EPHX1: variants seen among roughly 807,000 people sequenced by gnomAD.
EPHX1 encodes the protein epoxide hydrolase 1.
Under a neutral mutation model 43.2 loss-of-function variants are expected in EPHX1, and 40 were observed. That is an observed-to-expected ratio of 0.93 (90% CI 0.72 to 1.21). The LOEUF is 1.21. Ranked by LOEUF, EPHX1 falls within the 50% of genes most tolerant of loss-of-function variation. The pLI, the probability that EPHX1 is intolerant of heterozygous loss-of-function variation, is 0.00. For missense variants in EPHX1, 550 were observed against 570.4 expected, an observed-to-expected ratio of 0.96 and a Z score of 0.36; for synonymous variants, 221 against 226.7, an observed-to-expected ratio of 0.98 and a Z score of 0.22.
rs1246135645 is a variant in EPHX1, at chr1:225,845,516, C to T, written c.*169C>T. ...AAGCTCACTCCCCAACCCCCAACTCCGTGTGGTAAGCAACATGGCTTTGAT... is the reference window on the plus strand; with the variant it reads ...AAGCTCACTCCCCAACCCCCAACTCTGTGTGGTAAGCAACATGGCTTTGAT... On this transcript the variant is annotated 3_prime_UTR_variant, in exon 9 of 9. Transcript: ENST00000272167. 3.1e-5 allele frequency: 20 copies of T among 655,250 alleles called. No homozygotes were observed. The highest frequency in any genetic ancestry group is 5.7e-5 in the South Asian group (3 of 53,008). The allele number at this position is 655,250 out of a possible 1,614,324, so 40.6% of individuals were successfully genotyped here. A position where few individuals can be genotyped will look rare whatever the true frequency, so the allele number is the denominator to read the frequency against.
intron 6 of EPHX1, among the ~76,000 whole-genome samples, chr1:225,841,899 C>T (rs1016529770): frequency 1.3e-5 from 2 of 152,236 alleles, no homozygotes; most frequent in Non-Finnish European, 2.9e-5. Flanking sequence ...CCAATGCCCC[C>T]AGCCTGTTCC....
intron 4 of EPHX1, 113 bp downstream of exon 4, chr1:225,838,994 T>C: frequency 7.1e-7 from 1 of 1,412,280 alleles, no homozygotes; most frequent in Non-Finnish European, 9.8e-7. Flanking sequence ...CCGAGGAAGC[T>C]GGGAAAGGAG....
chr1:225,842,574 C>A, intron 7 of EPHX1, 100 bp downstream of exon 7: 1 of 878,926 alleles, frequency 1.1e-6, no homozygotes, highest in Non-Finnish European at 1.9e-6. Context: ...ATGGGGCACT[C>A]AGCAAATTCT....
At chr1:225,818,086 C>T (rs1666808199) in intron 1 of EPHX1, among the ~76,000 whole-genome samples, 1 of 152,038 alleles carries the variant, frequency 6.6e-6, no homozygotes, top group African/African-American at 2.4e-5. Flanking sequence ...CGTTATAGTG[C>T]CTCATGCCAC....
chr1:225,827,021 T>A (rs1379267899), intron 1 of EPHX1, among the ~76,000 whole-genome samples: 1 of 152,046 alleles, frequency 6.6e-6, no homozygotes, highest in Non-Finnish European at 1.5e-5. Context: ...TCGCCCTGGG[T>A]GGATTTCTGT....
In EPHX1 at chr1:225,828,997, G is replaced by A. The variant is rs891217927; in HGVS notation, c.183+85G>A. On this transcript the variant is annotated intron_variant, in intron 2 of 8. Transcript: ENST00000272167. The stretch of plus-strand genomic sequence containing the variant: ...GGGTTGGGTCTTAGGCCAGATGCGG[G>A]AGGGGACGGGGGCTTGGGAATGGTC... 4 of 1,460,946 alleles carry A rather than the reference G, an allele frequency of 2.7e-6. No individual in the cohort carries two copies. In the Admixed American group the frequency reaches 7.9e-5, roughly 29 times the overall value. 90.5% of individuals were successfully genotyped at this position (1,460,946 alleles called of 1,614,324 possible).
At chr1:225,837,345 C>T (rs767000412) in intron 3 of EPHX1, among the ~76,000 whole-genome samples, 1 of 152,260 alleles carries the variant, frequency 6.6e-6, no homozygotes, top group East Asian at 1.9e-4. Flanking sequence ...GCCGCCCTCA[C>T]TGTGAATGCC....
Position 225,845,169 on chromosome 1 carries a change from G to C in EPHX1, c.1190G>C (p.Gly397Ala). 1 of 1,614,150 alleles carries C rather than the reference G, an allele frequency of 6.2e-7. No individual in the cohort carries two copies. The highest frequency in any genetic ancestry group is 1.1e-5 in the South Asian group (1 of 91,092). The change falls in exon 9 of 9, where the codon GGC becomes GCC. Residue 397 changes from glycine to alanine, a missense_variant. Transcript: ENST00000272167. ...AGGATGAAGGTCTATGTGCCCACTGGCTTCTCTGCCTTCCCTTTTGAGCTA... is the reference window on the plus strand; with the variant it reads ...AGGATGAAGGTCTATGTGCCCACTGCCTTCTCTGCCTTCCCTTTTGAGCTA... ...HERMKVYVPTGFSAFPFELLH... is the reference protein window; with the variant it reads ...HERMKVYVPTAFSAFPFELLH...
At chr1:225,830,532 T>G (rs1292815090) in intron 2 of EPHX1, among the ~76,000 whole-genome samples, 2 of 152,222 alleles carry the variant, frequency 1.3e-5, no homozygotes, top group Non-Finnish European at 2.9e-5. Flanking sequence ...TGGTGCGATC[T>G]TGGCTCACTG....
At chr1:225,825,854 G>A (rs575281752) in intron 1 of EPHX1, among the ~76,000 whole-genome samples, 1 of 151,884 alleles carries the variant, frequency 6.6e-6, no homozygotes, top group African/African-American at 2.4e-5. Context: ...CTCTGCCTTC[G>A]GCTGCCTCCC....
At chr1:225,844,269 G>T (rs182435995) in intron 7 of EPHX1, among the ~76,000 whole-genome samples, 4 of 151,692 alleles carry the variant, frequency 2.6e-5, no homozygotes, top group Non-Finnish European at 4.4e-5. Context: ...CAAGGTGGGT[G>T]GGGGGAGGAC....
rs1377329572 is a variant in EPHX1, at chr1:225,817,396, C to T, written c.-6+7227C>T. On this transcript the variant is annotated intron_variant, in intron 1 of 8. Coordinates refer to ENST00000272167, the MANE Select transcript of EPHX1 (RefSeq NM_001136018.4). The surrounding 1 kb of genome is among the most constrained non-coding windows in gnomAD (Gnocchi z 5.7). ...CTCCCAGGCTCCCATCCTGCGTCCG[C>T]TTGGCAGGCAGGCCAGGAATGGGAG... 6.6e-6 allele frequency among the ~76,000 whole-genome samples: 1 copy of T among 152,222 alleles called. No homozygotes were observed. The highest frequency in any genetic ancestry group is 1.5e-5 in the Non-Finnish European group (1 of 68,028).
rs367980604 is a variant in EPHX1 at position 225,834,986 on chromosome 1, A to C, written c.364+3027A>C. 2.6e-4 allele frequency among the ~76,000 whole-genome samples: 39 copies of C among 152,250 alleles called. No individual in the cohort carries two copies. In the East Asian group the frequency reaches 3.9e-3, roughly 15 times the overall value. ...CATAGTGGCGGTGTTCTGAAGGAGG[A>C]GGCTCTGGGAGCTTCATGAGCCCCA... On this transcript the variant is annotated intron_variant, in intron 3 of 8. Coordinates refer to ENST00000272167, the MANE Select transcript of EPHX1 (RefSeq NM_001136018.4).
intron 3 of EPHX1, among the ~76,000 whole-genome samples, chr1:225,832,512 G>A (rs539594157): frequency 6.6e-6 from 1 of 152,356 alleles, no homozygotes; most frequent in South Asian, 2.1e-4. Flanking sequence ...TCCAGCCTGG[G>A]CTCCATCTCA....
intron 3 of EPHX1, among the ~76,000 whole-genome samples, chr1:225,835,644 C>A (rs1216409999): frequency 6.6e-6 from 1 of 151,844 alleles, no homozygotes; most frequent in East Asian, 1.9e-4. Context: ...CTGCCTCAGC[C>A]TCCCAAAGTG....
chr1:225,838,853 TG>T lies in EPHX1; in HGVS notation c.566del (p.Gly189AlafsTer23). 6.2e-7 allele frequency: 1 copy of T among 1,614,198 alleles called. No individual in the cohort carries two copies. Among genetic ancestry groups the T allele is most frequent in the Non-Finnish European group, 8.5e-7 (1 of 1,180,030 alleles). On this transcript the variant is annotated frameshift_variant, in exon 4 of 9. Transcript: ENST00000272167. LOFTEE classifies it high-confidence loss of function. ...TCATCTGCCCTTCCATCCCTGGCTA[TG>T]GCTTCTCAGAGGCATCCTCCAAGAA... ...EVICPSIPGY[G>X]FSEASSKKGF...
At chr1:225,824,876 T>C (rs2854450) in intron 1 of EPHX1, among the ~76,000 whole-genome samples, 110,728 of 152,118 alleles carry the variant, frequency 0.73, 41,841 homozygotes, top group South Asian at 0.94. Context: ...TCAAGAACAC[T>C]TTTCTTTGGT....
chr1:225,830,450 C>A (rs1187901097), intron 2 of EPHX1, among the ~76,000 whole-genome samples: 1 of 152,122 alleles, frequency 6.6e-6, no homozygotes, highest in Non-Finnish European at 1.5e-5. Context: ...AGACTTGCAC[C>A]CTCTCTCCTG....
Position 225,824,969 on chromosome 1 carries a change from G to A in EPHX1, c.-5-3756G>A, listed in dbSNP as rs34747882. 6.5e-3 allele frequency among the ~76,000 whole-genome samples: 986 copies of A among 152,308 alleles called. 9 individuals carry two copies. Among genetic ancestry groups the A allele is most frequent in the Middle Eastern group, 0.024 (7 of 294 alleles). On this transcript the variant is annotated intron_variant, in intron 1 of 8. Coordinates refer to ENST00000272167, the MANE Select transcript of EPHX1 (RefSeq NM_001136018.4). ...GCAGTAGAGCCTATTTGTAATCTGA[G>A]ATCAGTGGCTGTAAGGCACCATCCT...
Sources: allele counts gnomAD v4.1 joint callset (sites outside exome capture counted in the v4.1 genomes callset), GRCh38; gene constraint gnomAD v4.1.1; non-coding constraint Gnocchi (gnomAD v3.1); transcripts MANE v1.5; gene names NCBI Gene and HGNC (gene_info 2026-07-23, HGNC 2026-07-21).